The following PNLIPRP3 variants were observed in gnomAD, a reference collection of about 807,000 sequenced individuals.
The protein encoded by PNLIPRP3 is pancreatic lipase-related protein 3.
PNLIPRP3 carries 58 observed loss-of-function variants against 52.8 expected under a neutral mutation model. That is an observed-to-expected ratio of 1.10 (90% CI 0.89 to 1.37). The LOEUF (loss-of-function observed/expected upper bound fraction) is 1.37, where lower values mean the gene tolerates loss of function less well. Among genes scored for constraint, PNLIPRP3 ranks in the 40% most tolerant of loss-of-function variants. The pLI, the probability that PNLIPRP3 is intolerant of heterozygous loss-of-function variation, is 0.00. For missense variants in PNLIPRP3, 593 were observed against 561.6 expected (o/e 1.06, Z -0.57); for synonymous variants, 192 against 185.0 (o/e 1.04, Z -0.31).
At chr10:116,473,740 C>T (rs778432889) in intron 10 of PNLIPRP3, among the ~76,000 whole-genome samples, 1 of 151,902 alleles carries the variant, frequency 6.6e-6, no homozygotes, top group Non-Finnish European at 1.5e-5. Context: ...AGGCTGATCT[C>T]GAACTCCTAG....
chr10:116,462,919 C>A (rs1053160486), intron 7 of PNLIPRP3, among the ~76,000 whole-genome samples: 6 of 152,046 alleles, frequency 3.9e-5, no homozygotes, highest in African/African-American at 1.4e-4. Flanking sequence ...TCATGTTAAA[C>A]CTTTGGATGA....
At chr10:116,434,989 A>G (rs1477712930) in intron 1 of PNLIPRP3, among the ~76,000 whole-genome samples, 2 of 152,364 alleles carry the variant, frequency 1.3e-5, no homozygotes, top group East Asian at 3.9e-4. Context: ...GGAGTAACCT[A>G]CGATGACACT....
Position 116,461,224 on chromosome 10 carries a change from C to G in PNLIPRP3, c.742C>G (p.His248Asp). Residue 248 changes from histidine (H) to aspartate (D), a missense_variant, in exon 7 of 12, where the codon CAC becomes GAC. His to Asp is a moderately conservative substitution (Grantham distance 81). Transcript: ENST00000369230. ...HLDFYPNGGK[H>D]MPGCEDLITP... is the part of the protein sequence containing the mutation. ...TGACTTTTACCCAAATGGAGGGAAG[C>G]ACATGCCAGGATGTGAAGACTTAAT... The G allele has an allele frequency of 6.2e-7, 1 of 1,613,874 alleles. No homozygotes were observed. The highest frequency in any genetic ancestry group is 8.5e-7 in the Non-Finnish European group (1 of 1,179,788).
At chr10:116,433,223 G>A (rs1845732682) in intron 1 of PNLIPRP3, among the ~76,000 whole-genome samples, 1 of 143,938 alleles carries the variant, frequency 6.9e-6, no homozygotes, top group South Asian at 2.3e-4. Context: ...AATTTTGATT[G>A]CATAAATGCA....
At chr10:116,434,937 T>C (rs555984153) in intron 1 of PNLIPRP3, among the ~76,000 whole-genome samples, 2 of 152,078 alleles carry the variant, frequency 1.3e-5, no homozygotes, top group South Asian at 4.1e-4. Context: ...CCAGAGAATA[T>C]AGGAAAACAC....
intron 1 of PNLIPRP3, among the ~76,000 whole-genome samples, chr10:116,430,766 T>C (rs1386081848): frequency 1.3e-5 from 2 of 152,208 alleles, no homozygotes; most frequent in Non-Finnish European, 2.9e-5. Context: ...TGAGCTTACA[T>C]TCATTTGTAT....
intron 5 of PNLIPRP3, among the ~76,000 whole-genome samples, chr10:116,456,273 T>C (rs1000580577): frequency 4.6e-5 from 7 of 152,284 alleles, no homozygotes; most frequent in African/African-American, 1.7e-4. Context: ...TAGTACATGA[T>C]ACAGAAATTA....
chr10:116,433,114 CAAAAAAAAAAAAAAAAAA>C (rs71010080), intron 1 of PNLIPRP3, among the ~76,000 whole-genome samples: 3 of 8,494 alleles, frequency 3.5e-4, no homozygotes, highest in Admixed American at 3.2e-3. Context: ...AACTCCATCT[CAAAAAAAAAAAAAAAAAA>C]AAAAAAAAAA....
intron 3 of PNLIPRP3, 92 bp from the exon 4 acceptor site, chr10:116,444,290 A>G (rs1845909840): frequency 1.8e-6 from 2 of 1,094,498 alleles, no homozygotes; most frequent in South Asian, 3.7e-5. Context: ...TCAACCTACT[A>G]GTATAATTTC....
chr10:116,430,161 G>A (rs1845689651), intron 1 of PNLIPRP3, among the ~76,000 whole-genome samples: 1 of 152,120 alleles, frequency 6.6e-6, no homozygotes, highest in Non-Finnish European at 1.5e-5. Flanking sequence ...CAGAGTGAAG[G>A]CAAAATAGAA....
chr10:116,470,618 T>G (rs1846354267), intron 9 of PNLIPRP3, among the ~76,000 whole-genome samples: 2 of 151,772 alleles, frequency 1.3e-5, no homozygotes, highest in Admixed American at 1.3e-4. Flanking sequence ...CATGCCATTC[T>G]CCTGCCTCAG....
In PNLIPRP3 at chr10:116,428,024, T is replaced by C. The variant is rs765483629; in HGVS notation, c.12T>C (p.Ile4=). The change falls in exon 1 of 12, where the codon ATT becomes ATC. Residue 4 remains isoleucine, a synonymous_variant. Coordinates refer to ENST00000369230, the MANE Select transcript of PNLIPRP3 (RefSeq NM_001011709.3). The part of the protein sequence containing the change: MLG[I]WIVAFLFFGT... Reference sequence around the variant, plus strand: ...AAAAATCAGCTTAGATGCTTGGAATTTGGATTGTTGCATTCTTGTTCTTTG... The same window carrying C: ...AAAAATCAGCTTAGATGCTTGGAATCTGGATTGTTGCATTCTTGTTCTTTG... The C allele has an allele frequency of 6.2e-7, 1 of 1,609,330 alleles. No homozygotes were observed. Among genetic ancestry groups the C allele is most frequent in the South Asian group, 1.1e-5 (1 of 90,490 alleles).
At chr10:116,449,178 G>A (rs968748941) in intron 4 of PNLIPRP3, among the ~76,000 whole-genome samples, 22 of 152,022 alleles carry the variant, frequency 1.4e-4, no homozygotes, top group African/African-American at 4.1e-4. Flanking sequence ...CAGCCTGACT[G>A]GCAGAGCAAG....
intron 10 of PNLIPRP3, among the ~76,000 whole-genome samples, chr10:116,475,110 AG>A (rs1846438571): frequency 6.6e-6 from 1 of 152,262 alleles, no homozygotes; most frequent in African/African-American, 2.4e-5. Context: ...GCCATAAAAA[AG>A]AATGAGATCA....
chr10:116,455,774 G>C lies in PNLIPRP3; in HGVS notation c.509G>C (p.Gly170Ala). Residue 170 changes from glycine to alanine, a missense_variant, in exon 5 of 12, where the codon GGA (glycine) becomes GCA (alanine). Gly to Ala is a moderately conservative substitution (Grantham distance 60). Coordinates refer to ENST00000369230, the MANE Select transcript of PNLIPRP3 (RefSeq NM_001011709.3). Reference protein sequence around the residue: ...SKVHLIGHSLGAHLAGEAGSR... With the variant: ...SKVHLIGHSLAAHLAGEAGSR... ...GTGCACTTGATTGGCCACAGCTTGGGAGCACACCTGGCTGGGGAAGCTGGG... is the reference window on the plus strand; with the variant it reads ...GTGCACTTGATTGGCCACAGCTTGGCAGCACACCTGGCTGGGGAAGCTGGG... 1 of 1,613,930 alleles carries C rather than the reference G, an allele frequency of 6.2e-7. No individual in the cohort carries two copies. Among genetic ancestry groups the C allele is most frequent in the Non-Finnish European group, 8.5e-7 (1 of 1,179,960 alleles).
chr10:116,437,653 A>T (rs1478367542), intron 2 of PNLIPRP3, among the ~76,000 whole-genome samples: 1 of 152,178 alleles, frequency 6.6e-6, no homozygotes, highest in Non-Finnish European at 1.5e-5. Flanking sequence ...GCTTTAGGGC[A>T]TTTACTCTGG....
At chr10:116,469,155 A>G in intron 8 of PNLIPRP3, 30 bp from the exon 9 acceptor site, 3 of 1,595,178 alleles carry the variant, frequency 1.9e-6, no homozygotes, top group Non-Finnish European at 2.6e-6. Flanking sequence ...CTAATTACAT[A>G]AGTAATCACC....
At chr10:116,429,375 T>C (rs1287054370) in intron 1 of PNLIPRP3, among the ~76,000 whole-genome samples, 3 of 152,192 alleles carry the variant, frequency 2.0e-5, no homozygotes, top group Non-Finnish European at 4.4e-5. Context: ...GGATAAGGGA[T>C]ACTCAATCTG....
chr10:116,452,787 C>T (rs1564698777), intron 4 of PNLIPRP3, among the ~76,000 whole-genome samples: 2 of 152,230 alleles, frequency 1.3e-5, no homozygotes, highest in Non-Finnish European at 2.9e-5. Context: ...CAGCTTCCAC[C>T]TAGATTTCAG....
Sources: allele counts gnomAD v4.1 joint callset (sites outside exome capture counted in the v4.1 genomes callset), GRCh38; gene constraint gnomAD v4.1.1; transcripts MANE v1.5; gene names NCBI Gene and HGNC (gene_info 2026-07-23, HGNC 2026-07-21).